The following CHCHD6 variants were observed in gnomAD, a reference collection of about 807,000 sequenced individuals.
CHCHD6 encodes the protein MICOS complex subunit MIC25.
Under a neutral mutation model 32.3 loss-of-function variants are expected in CHCHD6, and 28 were observed. The ratio of observed to expected loss-of-function variants is 0.87; its 90% CI spans 0.64 to 1.19. The LOEUF (loss-of-function observed/expected upper bound fraction) is 1.19, where lower values mean the gene tolerates loss of function less well. Among genes scored for constraint, CHCHD6 ranks in the 50% most tolerant of loss-of-function variants. The pLI, the probability that CHCHD6 is intolerant of heterozygous loss-of-function variation, is 0.00. For synonymous variants in CHCHD6, 122 were observed against 117.5 expected (o/e 1.04, Z -0.25); for missense variants, 333 against 307.0 (o/e 1.08, Z -0.63).
At chr3:126,954,952 G>T (rs1309024076) in intron 6 of CHCHD6, among the ~76,000 whole-genome samples, 1 of 152,226 alleles carries the variant, frequency 6.6e-6, no homozygotes, top group Non-Finnish European at 1.5e-5. Context: ...TAAGGCTGGA[G>T]ACTCAGGGAG....
chr3:126,946,200 C>A (rs555243601), intron 6 of CHCHD6, among the ~76,000 whole-genome samples: 1 of 152,288 alleles, frequency 6.6e-6, no homozygotes, highest in South Asian at 2.1e-4. Flanking sequence ...AAGTCGTCAT[C>A]CCCCAGCACC....
intron 1 of CHCHD6, among the ~76,000 whole-genome samples, chr3:126,718,739 G>T (rs1253021407): frequency 1.3e-5 from 2 of 152,214 alleles, no homozygotes; most frequent in Non-Finnish European, 2.9e-5. Flanking sequence ...CAGCTCTGAT[G>T]GCACTGTGAC....
intron 6 of CHCHD6, among the ~76,000 whole-genome samples, chr3:126,950,553 T>A (rs1332674683): frequency 6.6e-6 from 1 of 152,198 alleles, no homozygotes; most frequent in Non-Finnish European, 1.5e-5. Context: ...TGGGTGCAAG[T>A]GATTCTCCTG....
intron 4 of CHCHD6, among the ~76,000 whole-genome samples, chr3:126,811,698 C>A (rs1242216411): frequency 1.3e-5 from 2 of 152,178 alleles, no homozygotes; most frequent in African/African-American, 4.8e-5. Flanking sequence ...CTTATTAAAT[C>A]CCCATGGCCC....
intron 6 of CHCHD6, among the ~76,000 whole-genome samples, chr3:126,950,514 C>T (rs187878578): frequency 8.5e-4 from 130 of 152,308 alleles, no homozygotes; most frequent in Middle Eastern, 3.4e-3. Flanking sequence ...TGCAGTGGCA[C>T]GCTCTCTGCT....
intron 5 of CHCHD6, among the ~76,000 whole-genome samples, chr3:126,859,807 T>A (rs888798983): frequency 6.6e-6 from 1 of 151,908 alleles, no homozygotes; most frequent in African/African-American, 2.4e-5. Context: ...TGGAGAAGAG[T>A]CCAGGAAGAA....
At chr3:126,759,083 A>G (rs1937071313) in intron 4 of CHCHD6, among the ~76,000 whole-genome samples, 1 of 152,214 alleles carries the variant, frequency 6.6e-6, no homozygotes, top group South Asian at 2.1e-4. Flanking sequence ...GGCCTCCTGC[A>G]GCCCTGCCAC....
chr3:126,746,039 G>C (rs534121492), intron 4 of CHCHD6, among the ~76,000 whole-genome samples: 1 of 152,322 alleles, frequency 6.6e-6, no homozygotes, highest in South Asian at 2.1e-4. Flanking sequence ...CTGGTACTCT[G>C]TTCTTGGCTA....
chr3:126,750,140 G>A lies in CHCHD6; in HGVS notation c.411+16918G>A, dbSNP rs1936669491. Among the ~76,000 whole-genome samples, 3 of 152,196 alleles carry A rather than the reference G, an allele frequency of 2.0e-5. No individual in the cohort carries two copies. In the South Asian group the frequency reaches 6.2e-4, roughly 32 times the overall value. ...TACAAAACATTGCGCAATTGGGATA[G>A]CTGCTCAGTTCTCCATAGTTAGCAG... On this transcript the variant is annotated intron_variant, in intron 4 of 7. Coordinates refer to ENST00000290913, the MANE Select transcript of CHCHD6 (RefSeq NM_032343.3).
chr3:126,959,360 C>T (rs2078829576), intron 7 of CHCHD6, among the ~76,000 whole-genome samples: 2 of 152,244 alleles, frequency 1.3e-5, no homozygotes, highest in Admixed American at 1.3e-4. Flanking sequence ...CATTTGGAGA[C>T]GGCATATTCA....
At chr3:126,767,001 A>G in intron 4 of CHCHD6, 1 of 873,516 alleles carries the variant, frequency 1.1e-6, no homozygotes, top group East Asian at 2.4e-5. Context: ...CGTCTCACAC[A>G]GCTACATTTG....
intron 5 of CHCHD6, among the ~76,000 whole-genome samples, chr3:126,868,253 C>T (rs568242706): frequency 1.4e-4 from 21 of 152,166 alleles, no homozygotes; most frequent in Non-Finnish European, 2.5e-4. Flanking sequence ...GCATCAGAGA[C>T]GAGCCAGTGG....
chr3:126,901,662 T>C (rs565653668), intron 5 of CHCHD6, among the ~76,000 whole-genome samples: 10 of 152,370 alleles, frequency 6.6e-5, no homozygotes, highest in African/African-American at 2.4e-4. Context: ...CTTAGACTTA[T>C]ATTTCATTCT....
chr3:126,862,525 TCAC>T (rs1404460964), intron 5 of CHCHD6, among the ~76,000 whole-genome samples: 2 of 114,444 alleles, frequency 1.7e-5, no homozygotes, highest in African/African-American at 3.3e-5. Flanking sequence ...CATCACCACC[TCAC>T]CCTCTTCCAC....
At chr3:126,936,734 T>C (rs2078485209) in intron 6 of CHCHD6, among the ~76,000 whole-genome samples, 1 of 152,068 alleles carries the variant, frequency 6.6e-6, no homozygotes, top group Non-Finnish European at 1.5e-5. Context: ...TTTTTTGTAT[T>C]TTACTAGAGA....
chr3:126,765,892 C>G (rs756325865), intron 4 of CHCHD6, among the ~76,000 whole-genome samples: 1 of 152,220 alleles, frequency 6.6e-6, no homozygotes, highest in Non-Finnish European at 1.5e-5. Flanking sequence ...AGAACCAACA[C>G]CGGCTTAGGC....
At chr3:126,704,446 C>CG (rs769865726) in intron 1 of CHCHD6, 47 bp downstream of exon 1, 22 of 1,172,516 alleles carry the variant, frequency 1.9e-5, no homozygotes, top group Admixed American at 1.4e-4. Context: ...GCCGCGGGCG[C>CG]GGGGGGGAGG....
At chr3:126,801,711 G>T (rs1196140315) in intron 4 of CHCHD6, among the ~76,000 whole-genome samples, 4 of 152,176 alleles carry the variant, frequency 2.6e-5, no homozygotes, top group Non-Finnish European at 5.9e-5. Context: ...AGAGAGCAGT[G>T]GTTCTCCCAG....
chr3:126,757,381 A>G (rs1936993082), intron 4 of CHCHD6, among the ~76,000 whole-genome samples: 1 of 152,192 alleles, frequency 6.6e-6, no homozygotes, highest in South Asian at 2.1e-4. Context: ...CCTTAACAAC[A>G]CTAAAGCAGT....
Sources: gnomAD v4.1 joint callset for allele counts (sites outside exome capture counted in the v4.1 genomes callset) on GRCh38, gnomAD v4.1.1 for gene constraint, MANE v1.5 for transcripts, NCBI Gene and HGNC (gene_info 2026-07-23, HGNC 2026-07-21) for gene names.